The following LRBA variants were observed in gnomAD, a reference collection of about 807,000 sequenced individuals.
The protein encoded by LRBA is LPS responsive beige-like anchor protein, also known as lipopolysaccharide-responsive and beige-like anchor protein.
In LRBA, 176 loss-of-function variants were observed where a neutral mutation model predicts 330.0. The observed-to-expected ratio is 0.53, with a 90% CI of 0.47 to 0.60. The LOEUF is 0.60. Ranked by LOEUF, LRBA falls within the 20% of genes least tolerant of loss-of-function variation. The probability of loss-of-function intolerance (pLI) is 0.00; values close to 1 mark genes in which losing one functional copy is unlikely to be tolerated. For missense variants in LRBA, 3,259 were observed against 3,444.8 expected (o/e 0.95, Z 1.35); for synonymous variants, 1,230 against 1,193.0 (o/e 1.03, Z -0.64).
intron 40 of LRBA, among the ~76,000 whole-genome samples, chr4:150,502,388 T>A (rs539383538): frequency 2.8e-4 from 43 of 152,252 alleles, no homozygotes; most frequent in Admixed American, 8.5e-4. Flanking sequence ...GAACAATGTA[T>A]TATAAGGAAT....
intron 40 of LRBA, among the ~76,000 whole-genome samples, chr4:150,537,979 T>C (rs1242898000): frequency 6.6e-6 from 1 of 151,290 alleles, no homozygotes; most frequent in African/African-American, 2.4e-5. Context: ...ACAAAAGACA[T>C]TGAACAGAAG....
intron 56 of LRBA, among the ~76,000 whole-genome samples, chr4:150,268,419 T>G (rs1370257081): frequency 6.6e-6 from 1 of 152,206 alleles, no homozygotes; most frequent in Non-Finnish European, 1.5e-5. Flanking sequence ...GAACACTTCC[T>G]AAGTGATTCA....
At position 150,844,706 on chromosome 4, in the gene LRBA, G is replaced by C; in HGVS notation, c.4413C>G (p.Ala1471=). The change falls in exon 27 of 57, where the codon GCC becomes GCG. Residue 1471 remains alanine (A), a synonymous_variant. Transcript: ENST00000651943. The stretch of plus-strand genomic sequence containing the variant: ...GAATAAGGCTATGCATTGGTTTCAA[G>C]GCTTTATCTCCCCTAGTTTTCAGTT... ...HSQLKTRGDK[A]LKPMHSLIPL... 6.2e-7 allele frequency: 1 copy of C among 1,613,238 alleles called. No homozygotes were observed.
chr4:150,302,909 T>C, intron 52 of LRBA, 117 bp from the exon 53 acceptor site: 2 of 671,646 alleles, frequency 3.0e-6, no homozygotes, highest in Non-Finnish European at 4.7e-6. Flanking sequence ...ATTCAGATTT[T>C]ATAATAATTT....
intron 44 of LRBA, among the ~76,000 whole-genome samples, chr4:150,458,636 T>C (rs1183548609): frequency 6.6e-6 from 1 of 151,994 alleles, no homozygotes; most frequent in Admixed American, 6.6e-5. Flanking sequence ...ATCATGTTGA[T>C]ATTCCTTTTA....
chr4:150,371,336 TCGCC>T (rs1464984514), intron 47 of LRBA, among the ~76,000 whole-genome samples: 1 of 151,348 alleles, frequency 6.6e-6, no homozygotes, highest in African/African-American at 2.4e-5. Flanking sequence ...GGGATTACAG[TCGCC>T]CGCCACCACA....
intron 46 of LRBA, among the ~76,000 whole-genome samples, chr4:150,418,025 T>G (rs1031433459): frequency 7.9e-5 from 12 of 151,622 alleles, no homozygotes; most frequent in African/African-American, 2.9e-4. Flanking sequence ...TTTTGTTTTT[T>G]TTTTTTTTGG....
chr4:150,569,213 C>T (rs745553430), intron 40 of LRBA, among the ~76,000 whole-genome samples: 6 of 151,962 alleles, frequency 3.9e-5, no homozygotes, highest in Non-Finnish European at 8.8e-5. Flanking sequence ...CTCTAAAGAG[C>T]CTTCAGATGT....
At chr4:150,289,125 G>A (rs1301076404) in intron 53 of LRBA, among the ~76,000 whole-genome samples, 3 of 152,138 alleles carry the variant, frequency 2.0e-5, no homozygotes, top group Non-Finnish European at 4.4e-5. Context: ...AAAGTTAAGA[G>A]TTTAGGAAGC....
intron 40 of LRBA, among the ~76,000 whole-genome samples, chr4:150,528,672 T>C (rs537350263): frequency 6.6e-6 from 1 of 152,118 alleles, no homozygotes; most frequent in Non-Finnish European, 1.5e-5. Context: ...GGTAGAGGAT[T>C]GATTTTAGGT....
rs555149391 is a variant in LRBA at position 150,464,756 on chromosome 4, C to A, written c.6780+2917G>T. Among the ~76,000 whole-genome samples the A allele has an allele frequency of 3.3e-5, 5 of 152,154 alleles. No homozygotes were observed. In the South Asian group the frequency reaches 1.0e-3, roughly 32 times the overall value. Reference sequence around the variant, plus strand: ...TCAAGTGTCCTCCATGTGTCAGTCACAACCCATCAGCAGGTTAACTTGGGA... The same window carrying A: ...TCAAGTGTCCTCCATGTGTCAGTCAAAACCCATCAGCAGGTTAACTTGGGA... On this transcript the variant is annotated intron_variant, in intron 44 of 56. Coordinates refer to ENST00000651943, the MANE Select transcript of LRBA (RefSeq NM_001364905.1).
intron 36 of LRBA, among the ~76,000 whole-genome samples, chr4:150,716,227 T>A (rs1304791789): frequency 1.3e-5 from 2 of 152,088 alleles, no homozygotes; most frequent in East Asian, 1.9e-4. Context: ...GGCAGATGGA[T>A]CACGAGCTCA....
chr4:150,448,866 A>G (rs1306128009), intron 44 of LRBA, among the ~76,000 whole-genome samples: 1 of 151,510 alleles, frequency 6.6e-6, no homozygotes, highest in Non-Finnish European at 1.5e-5. Context: ...TAAAATTTAT[A>G]AAGAATTTCT....
chr4:150,999,464 T>C (rs986585408), intron 2 of LRBA, among the ~76,000 whole-genome samples: 4 of 151,930 alleles, frequency 2.6e-5, no homozygotes, highest in Non-Finnish European at 5.9e-5. Flanking sequence ...ATAAGGTCTA[T>C]GTTGCCCAGG....
intron 2 of LRBA, among the ~76,000 whole-genome samples, chr4:150,945,084 A>C (rs1187121590): frequency 1.3e-5 from 2 of 152,240 alleles, no homozygotes; most frequent in Admixed American, 6.5e-5. Context: ...ATTTCTTCAC[A>C]GCAGTATGAA....
rs533445877 is a variant in LRBA, at chr4:150,938,399, G to T, written c.217-9334C>A. 4.2e-4 allele frequency among the ~76,000 whole-genome samples: 64 copies of T among 152,222 alleles called. 1 individual carries two copies. The South Asian group carries it at 0.013, about 30-fold the overall frequency. On this transcript the variant is annotated intron_variant, in intron 2 of 56. Coordinates refer to ENST00000651943, the MANE Select transcript of LRBA (RefSeq NM_001364905.1). Reference sequence around the variant, plus strand: ...ACTTACTAATAAGGAGAAGTTGAGGGAAAATTACAAAGCTGTGACACAGAC... The same window carrying T: ...ACTTACTAATAAGGAGAAGTTGAGGTAAAATTACAAAGCTGTGACACAGAC...
chr4:151,005,602 C>CT lies in LRBA; in HGVS notation c.216+8824dup, dbSNP rs1187161237. Reference sequence around the variant, plus strand: ...ACAGAGTCTTGCTCTGTTACCCAGGCTTTTTTTTTTTTTTTTTTTGGAGAC... The same window carrying CT: ...ACAGAGTCTTGCTCTGTTACCCAGGCTTTTTTTTTTTTTTTTTTTTGGAGAC... On this transcript the variant is annotated intron_variant, in intron 2 of 56. Transcript: ENST00000651943. Among the ~76,000 whole-genome samples the CT allele has an allele frequency of 9.7e-3, 998 of 102,972 alleles. 20 individuals are homozygous for CT. The highest frequency in any genetic ancestry group is 0.012 in the East Asian group (48 of 3,856). The allele number at this position is 102,972 out of a possible 152,430, so 67.6% of individuals were successfully genotyped here.
chr4:150,821,508 G>C (rs1315166249), intron 30 of LRBA, among the ~76,000 whole-genome samples: 2 of 151,600 alleles, frequency 1.3e-5, no homozygotes, highest in African/African-American at 4.8e-5. Context: ...CCTGAACAAG[G>C]GATACTCATT....
intron 40 of LRBA, among the ~76,000 whole-genome samples, chr4:150,552,852 G>A (rs991915613): frequency 3.9e-5 from 6 of 151,910 alleles, no homozygotes; most frequent in Non-Finnish European, 7.4e-5. Flanking sequence ...GGCAGATCAC[G>A]AGGTCAGGAG....
Sources: gnomAD v4.1 joint callset for allele counts (sites outside exome capture counted in the v4.1 genomes callset) on GRCh38, gnomAD v4.1.1 for gene constraint, MANE v1.5 for transcripts, NCBI Gene and HGNC (gene_info 2026-07-23, HGNC 2026-07-21) for gene names.